The following AR variants were observed in gnomAD, a reference collection of about 807,000 sequenced individuals.
The protein encoded by AR is androgen receptor, also known as dihydrotestosterone receptor.
AR carries 8 observed loss-of-function variants against 53.9 expected under a neutral mutation model. The ratio of observed to expected loss-of-function variants is 0.15; its 90% CI spans 0.09 to 0.27. AR has a LOEUF of 0.27. Ranked by LOEUF, AR falls within the 10% of genes least tolerant of loss-of-function variation. AR has a pLI of 1.00. For missense variants in AR, 639 were observed against 742.5 expected (o/e 0.86, Z 1.62); for synonymous variants, 359 against 316.4 (o/e 1.13, Z -1.43).
At chrX:67,677,966 C>A (rs1021898035) in intron 2 of AR, among the ~76,000 whole-genome samples, 1 of 111,618 alleles carries the variant, frequency 9.0e-6, no homozygotes, top group African/African-American at 3.3e-5. Flanking sequence ...GAGAAAAGCA[C>A]TGGACTGCTG....
chrX:67,546,365 C>A lies in AR; in HGVS notation c.1219C>A (p.Arg407Ser). ...CTGGGCGGCTGCGGCGGCGCAGTGC[C>A]GCTATGGGGACCTGGCGAGCCTGCA... is the stretch of plus-strand genomic sequence containing the variant. ...SAWAAAAAQC[R>S]YGDLASLHGA... The change falls in exon 1 of 8, where the codon CGC becomes AGC. Residue 407 changes from arginine to serine, a missense_variant. Arg to Ser is a moderately radical substitution (Grantham distance 110). This residue lies in a region of AR where 423 missense variants were observed against 377.0 expected (regional missense o/e 1.12). Transcript: ENST00000374690. The A allele has an allele frequency of 8.4e-7, 1 of 1,184,575 alleles. No homozygotes were observed. The highest frequency in any genetic ancestry group is 1.8e-5 in the South Asian group (1 of 54,269).
At chrX:67,669,870 T>G (rs2075852451) in intron 2 of AR, among the ~76,000 whole-genome samples, 1 of 109,962 alleles carries the variant, frequency 9.1e-6, no homozygotes, top group South Asian at 3.8e-4. Context: ...TGCTAATTTT[T>G]TTGGTTTCCA....
intron 2 of AR, among the ~76,000 whole-genome samples, chrX:67,658,449 T>A (rs2072739848): frequency 8.9e-6 from 1 of 112,285 alleles, no homozygotes; most frequent in African/African-American, 3.2e-5. Flanking sequence ...GAGATCACTT[T>A]ATTTTATTTT....
chrX:67,685,646 C>T (rs934416964), intron 2 of AR, among the ~76,000 whole-genome samples: 6 of 111,555 alleles, frequency 5.4e-5, no homozygotes, highest in African/African-American at 1.6e-4. Context: ...ATCTCTTCTA[C>T]GCCATGCTAA....
chrX:67,643,467 C>A (rs2147437042), intron 2 of AR, 60 bp downstream of exon 2: 2 of 1,145,795 alleles, frequency 1.7e-6, no homozygotes, highest in Non-Finnish European at 1.2e-6. Context: ...CAGAGAGAGA[C>A]ACTAACCTTT....
At chrX:67,666,064 A>G (rs369757311) in intron 2 of AR, among the ~76,000 whole-genome samples, 1 of 111,559 alleles carries the variant, frequency 9.0e-6, no homozygotes, top group African/African-American at 3.3e-5. Context: ...TTGTGATACA[A>G]ACAATCCAAT....
chrX:67,572,322 C>T (rs192472004), intron 1 of AR, among the ~76,000 whole-genome samples: 2 of 110,902 alleles, frequency 1.8e-5, no homozygotes, highest in East Asian at 5.7e-4. Context: ...ATGATATATC[C>T]GTGGTAAAAA....
At chrX:67,713,195 G>T (rs12011519) in intron 4 of AR, among the ~76,000 whole-genome samples, 8,592 of 110,378 alleles carry the variant, frequency 0.078, 264 homozygotes, top group African/African-American at 0.1. Context: ...TTTCATGTTG[G>T]CTGTCAAGTC....
At chrX:67,653,115 G>A (rs1054646501) in intron 2 of AR, among the ~76,000 whole-genome samples, 1 of 111,737 alleles carries the variant, frequency 8.9e-6, no homozygotes, top group African/African-American at 3.3e-5. Flanking sequence ...GTGTACATGA[G>A]ACCTATACCG....
intron 1 of AR, among the ~76,000 whole-genome samples, chrX:67,595,270 TA>T (rs1393021335): frequency 9.1e-6 from 1 of 110,485 alleles, no homozygotes; most frequent in Admixed American, 9.7e-5. Context: ...TAAAGGTTTA[TA>T]AAAATCTTAC....
intron 2 of AR, among the ~76,000 whole-genome samples, chrX:67,651,218 T>C (rs981987280): frequency 1.7e-4 from 18 of 106,106 alleles, no homozygotes; most frequent in African/African-American, 6.2e-4. Flanking sequence ...TTTTTTTTTT[T>C]CTGTATTTTT....
At chrX:67,702,920 C>A (rs867937972) in intron 3 of AR, among the ~76,000 whole-genome samples, 1 of 111,020 alleles carries the variant, frequency 9.0e-6, no homozygotes. Flanking sequence ...CCCATCTCTA[C>A]AAAAAATGTT....
intron 1 of AR, among the ~76,000 whole-genome samples, chrX:67,579,633 G>A (rs969786908): frequency 4.5e-5 from 5 of 111,332 alleles, no homozygotes; most frequent in Non-Finnish European, 9.4e-5. Flanking sequence ...TTTCCAACAC[G>A]AAACTCATAA....
At chrX:67,687,833 A>G (rs1450941582) in intron 3 of AR, among the ~76,000 whole-genome samples, 2 of 112,173 alleles carry the variant, frequency 1.8e-5, no homozygotes, top group African/African-American at 3.2e-5. Context: ...TAATGGTAAC[A>G]AAAGTCCTCA....
chrX:67,699,386 A>G (rs1569309384), intron 3 of AR, among the ~76,000 whole-genome samples: 1 of 112,132 alleles, frequency 8.9e-6, no homozygotes, highest in Non-Finnish European at 1.9e-5. Context: ...GCCAAGGGCC[A>G]TTCTCAGCTC....
chrX:67,730,106 A>C lies in AR; in HGVS notation c.*6265A>C, dbSNP rs1159918145. On this transcript the variant is annotated 3_prime_UTR_variant, in exon 8 of 8. Coordinates refer to ENST00000374690, the MANE Select transcript of AR (RefSeq NM_000044.6). ...CATTCTTGTGCTGTCCTTGGAATTA[A>C]TCTGGCAGCAGGAGGGAGCAGACTA... is the stretch of plus-strand genomic sequence containing the variant. 4.6e-5 allele frequency: 8 copies of C among 173,845 alleles called. No individual in the cohort carries two copies. Among genetic ancestry groups the C allele is most frequent in the South Asian group, 3.2e-4 (1 of 3,139 alleles). The allele number at this position is 173,845 out of a possible 1,213,427, so 14.3% of individuals were successfully genotyped here.
chrX:67,547,048 A>T (rs1386094530), intron 1 of AR, among the ~76,000 whole-genome samples: 2 of 110,823 alleles, frequency 1.8e-5, no homozygotes, highest in Non-Finnish European at 1.9e-5. Context: ...GAGGTCCCAA[A>T]CAGAAATCCT....
intron 3 of AR, among the ~76,000 whole-genome samples, chrX:67,702,728 T>C (rs2076047759): frequency 8.9e-6 from 1 of 112,222 alleles, no homozygotes; most frequent in South Asian, 3.7e-4. Flanking sequence ...TTGCAGTGAT[T>C]TATTGGGTGA....
chrX:67,648,219 A>G (rs1298260782), intron 2 of AR, among the ~76,000 whole-genome samples: 2 of 111,809 alleles, frequency 1.8e-5, no homozygotes, highest in African/African-American at 6.5e-5. Context: ...TAGAAATGCT[A>G]GAAGAGGATA....
Sources: allele counts gnomAD v4.1 joint callset (sites outside exome capture counted in the v4.1 genomes callset), GRCh38; gene constraint gnomAD v4.1.1; regional missense constraint gnomAD v4.1.1; transcripts MANE v1.5; gene names NCBI Gene and HGNC (gene_info 2026-07-23, HGNC 2026-07-21).